The following SDK1 variants were observed in gnomAD, a reference collection of about 807,000 sequenced individuals.
SDK1 encodes protein sidekick-1.
In SDK1, 157 loss-of-function variants were observed where a neutral mutation model predicts 245.5. That is an observed-to-expected ratio of 0.64 (90% CI 0.56 to 0.73). The LOEUF (loss-of-function observed/expected upper bound fraction) is 0.73. SDK1 is among the 30% of genes least tolerant of loss of function. SDK1 has a pLI of 0.00. For synonymous variants in SDK1, 1,647 were observed against 1,278.5 expected (o/e 1.29, Z -6.15); for missense variants, 3,583 against 3,002.3 (o/e 1.19, Z -4.52).
At chr7:3,489,356 T>A (rs562416513) in intron 1 of SDK1, among the ~76,000 whole-genome samples, 4 of 152,370 alleles carry the variant, frequency 2.6e-5, no homozygotes, top group African/African-American at 9.6e-5. Context: ...GAGCGTATTG[T>A]GGAAATTTTC....
At chr7:4,105,910 G>C (rs1000733785) in intron 22 of SDK1, among the ~76,000 whole-genome samples, 1 of 152,200 alleles carries the variant, frequency 6.6e-6, no homozygotes, top group African/African-American at 2.4e-5. Flanking sequence ...GACAAACCGC[G>C]GCTGCAGGAG....
intron 22 of SDK1, among the ~76,000 whole-genome samples, chr7:4,100,550 G>A (rs551588098): frequency 6.6e-6 from 1 of 152,200 alleles, no homozygotes. Context: ...TCATGGGGTG[G>A]AGCCCTCACC....
intron 4 of SDK1, among the ~76,000 whole-genome samples, chr7:3,805,403 G>A (rs752974085): frequency 7.9e-5 from 12 of 152,120 alleles, no homozygotes; most frequent in South Asian, 2.1e-4. Flanking sequence ...CTTGGGTAGC[G>A]GGAGCCTCTT....
chr7:3,957,130 A>G (rs1781332369), intron 7 of SDK1, among the ~76,000 whole-genome samples: 1 of 151,976 alleles, frequency 6.6e-6, no homozygotes, highest in African/African-American at 2.4e-5. Context: ...GAAATGACAA[A>G]CCTACAGAAA....
chr7:3,735,100 C>G (rs968000021), intron 4 of SDK1, among the ~76,000 whole-genome samples: 2 of 151,980 alleles, frequency 1.3e-5, no homozygotes, highest in African/African-American at 4.8e-5. Flanking sequence ...GGGCAGGAGT[C>G]CAGCTCCATT....
chr7:4,226,539 G>T (rs1217903694), intron 40 of SDK1, among the ~76,000 whole-genome samples: 1 of 152,242 alleles, frequency 6.6e-6, no homozygotes, highest in African/African-American at 2.4e-5. Context: ...GCAGAACTGA[G>T]CAGCAGCTAA....
intron 25 of SDK1, among the ~76,000 whole-genome samples, chr7:4,117,046 G>A (rs976129184): frequency 2.4e-4 from 36 of 152,236 alleles, no homozygotes; most frequent in Admixed American, 1.5e-3. Context: ...TGACAAAGGA[G>A]AGAACTTGAG....
chr7:3,977,844 G>A (rs1303056732), intron 13 of SDK1, among the ~76,000 whole-genome samples: 1 of 152,218 alleles, frequency 6.6e-6, no homozygotes, highest in African/African-American at 2.4e-5. Flanking sequence ...ATATATGTTG[G>A]TTGGTTGCTG....
intron 1 of SDK1, among the ~76,000 whole-genome samples, chr7:3,429,737 C>T (rs1313562529): frequency 6.6e-6 from 1 of 151,618 alleles, no homozygotes; most frequent in Non-Finnish European, 1.5e-5. Context: ...GCTGGGATTA[C>T]AGGTGTGGGA....
chr7:4,022,638 G>A (rs957322429), intron 17 of SDK1, among the ~76,000 whole-genome samples: 2 of 152,134 alleles, frequency 1.3e-5, no homozygotes, highest in Admixed American at 1.3e-4. Context: ...TTCTTCTAGA[G>A]CATACATTTT....
At chr7:4,219,976 A>T in intron 38 of SDK1, 133 bp from the exon 39 acceptor site, 2 of 1,061,890 alleles carry the variant, frequency 1.9e-6, no homozygotes, top group Non-Finnish European at 2.7e-6. Context: ...CACCATATAA[A>T]CTCCTAATAG....
intron 3 of SDK1, among the ~76,000 whole-genome samples, chr7:3,641,380 A>G (rs951363374): frequency 6.6e-6 from 1 of 152,162 alleles, no homozygotes; most frequent in Admixed American, 6.6e-5. Context: ...TTATCAGTAG[A>G]ACAAATACTG....
intron 1 of SDK1, among the ~76,000 whole-genome samples, chr7:3,361,603 C>G (rs949518306): frequency 1.3e-5 from 2 of 152,118 alleles, no homozygotes; most frequent in African/African-American, 4.8e-5. Flanking sequence ...TTAATTGTTT[C>G]TAAATCTCAG....
At chr7:4,263,192 C>T (rs185286049) in intron 44 of SDK1, among the ~76,000 whole-genome samples, 7 of 67,844 alleles carry the variant, frequency 1.0e-4, no homozygotes, top group African/African-American at 4.8e-4. Context: ...TCACCTTGCC[C>T]ACCCGCTTCC....
intron 1 of SDK1, among the ~76,000 whole-genome samples, chr7:3,447,890 G>C (rs977286976): frequency 3.3e-5 from 5 of 151,870 alleles, no homozygotes; most frequent in Non-Finnish European, 1.5e-5. Context: ...TTTTAGTAGA[G>C]ACAGGGTTTC....
intron 5 of SDK1, among the ~76,000 whole-genome samples, chr7:3,914,810 A>G (rs751208775): frequency 6.6e-6 from 1 of 152,184 alleles, no homozygotes; most frequent in Admixed American, 6.5e-5. Flanking sequence ...TGATCGGTCA[A>G]TTTGCTTGCT....
chr7:3,678,026 C>T (rs1301102779), intron 4 of SDK1, among the ~76,000 whole-genome samples: 3 of 152,182 alleles, frequency 2.0e-5, no homozygotes, highest in African/African-American at 7.2e-5. Context: ...TGTCATTAGT[C>T]ATTAGTGGTC....
chr7:4,059,732 G>A (rs897216772), intron 19 of SDK1, among the ~76,000 whole-genome samples: 8 of 151,980 alleles, frequency 5.3e-5, no homozygotes, highest in African/African-American at 1.5e-4. Flanking sequence ...ACTAAAATTC[G>A]ATCGATATCT....
At chr7:3,584,176 G>C (rs1049949060) in intron 1 of SDK1, among the ~76,000 whole-genome samples, 1 of 152,164 alleles carries the variant, frequency 6.6e-6, no homozygotes, top group South Asian at 2.1e-4. Context: ...GAATAAACAG[G>C]TGCTTGCTGT....
Sources: allele counts gnomAD v4.1 joint callset (sites outside exome capture counted in the v4.1 genomes callset), GRCh38; gene constraint gnomAD v4.1.1; transcripts MANE v1.5; gene names NCBI Gene and HGNC (gene_info 2026-07-23, HGNC 2026-07-21).